KIAA1549L: variants seen among roughly 807,000 people sequenced by gnomAD.
KIAA1549L encodes KIAA1549 like.
In KIAA1549L, 88 loss-of-function variants were observed where a neutral mutation model predicts 160.7. The ratio of observed to expected loss-of-function variants is 0.55; its 90% CI spans 0.46 to 0.65. KIAA1549L has a LOEUF of 0.65. Ranked by LOEUF, KIAA1549L falls within the 30% of genes least tolerant of loss-of-function variation. The probability of loss-of-function intolerance (pLI) is 0.00; values close to 1 mark genes in which losing one functional copy is unlikely to be tolerated. For synonymous variants in KIAA1549L, 950 were observed against 976.7 expected (o/e 0.97, Z 0.51); for missense variants, 2,258 against 2,437.5 (o/e 0.93, Z 1.55).
At chr11:33,534,907 T>C (rs1853859164) in intron 1 of KIAA1549L, among the ~76,000 whole-genome samples, 2 of 152,188 alleles carry the variant, frequency 1.3e-5, no homozygotes, top group Admixed American at 1.3e-4. Context: ...CCTACCTGTA[T>C]TAGTTTTCTA....
intron 6 of KIAA1549L, among the ~76,000 whole-genome samples, chr11:33,558,974 C>T (rs1319009629): frequency 1.3e-5 from 2 of 151,940 alleles, no homozygotes; most frequent in Non-Finnish European, 2.9e-5. Context: ...GCTGGGATTA[C>T]AGGCACATGC....
intron 1 of KIAA1549L, among the ~76,000 whole-genome samples, chr11:33,524,446 T>C (rs1204195267): frequency 2.6e-5 from 4 of 152,146 alleles, no homozygotes; most frequent in Non-Finnish European, 5.9e-5. Flanking sequence ...GCTGCTACTA[T>C]TCTTTGTGTT....
intron 16 of KIAA1549L, 45 bp from the exon 17 acceptor site, chr11:33,645,641 G>C (rs761845027): frequency 2.1e-6 from 3 of 1,415,106 alleles, no homozygotes; most frequent in South Asian, 1.2e-5. Flanking sequence ...GCACCTTCAC[G>C]GGAAGGAAAG....
rs754959729 is a variant in KIAA1549L, at chr11:33,609,897, C to T, written c.5210C>T (p.Pro1737Leu). 8.1e-6 allele frequency: 13 copies of T among 1,613,930 alleles called. No homozygotes were observed. The highest frequency in any genetic ancestry group is 2.7e-5 in the African/African-American group (2 of 75,028). Residue 1737 changes from proline (P) to leucine (L), a missense_variant, in exon 15 of 21, where the codon CCG (proline) becomes CTG (leucine). Around this residue, in one of 6 missense-constraint regions of KIAA1549L, gnomAD observed 1,359 missense variants for 1,546.6 expected, o/e 0.88. Coordinates refer to ENST00000658780, the MANE Select transcript of KIAA1549L (RefSeq NM_012194.3). ...AGAAAGAAGATGTATGAAAAAGCCC[C>T]GAAGGAAATGGAGCATGTTTTGGAT... ...TERKKMYEKA[P>L]KEMEHVLDPD...
chr11:33,602,966 A>G (rs1850402688), intron 13 of KIAA1549L, among the ~76,000 whole-genome samples: 2 of 152,150 alleles, frequency 1.3e-5, no homozygotes, highest in East Asian at 3.9e-4. Context: ...CATTAATGCT[A>G]TGCTGCCCAC....
chr11:33,380,265 A>G (rs895443833), intron 1 of KIAA1549L, among the ~76,000 whole-genome samples: 1 of 152,190 alleles, frequency 6.6e-6, no homozygotes, highest in African/African-American at 2.4e-5. Flanking sequence ...AATACCCAGC[A>G]CAGAACAGGA....
intron 1 of KIAA1549L, among the ~76,000 whole-genome samples, chr11:33,489,113 T>C (rs1354572586): frequency 6.6e-6 from 1 of 152,220 alleles, no homozygotes; most frequent in Non-Finnish European, 1.5e-5. Context: ...TGTCTTAGCA[T>C]GTCTTCGTCA....
At chr11:33,630,328 G>A (rs2133374043) in intron 16 of KIAA1549L, among the ~76,000 whole-genome samples, 1 of 152,386 alleles carries the variant, frequency 6.6e-6, no homozygotes, top group Admixed American at 6.5e-5. Flanking sequence ...CTTCCCGGCT[G>A]CTTTGTTTAC....
chr11:33,549,521 C>T (rs1303334118), intron 4 of KIAA1549L, among the ~76,000 whole-genome samples: 1 of 152,184 alleles, frequency 6.6e-6, no homozygotes, highest in Non-Finnish European at 1.5e-5. Flanking sequence ...TGTGCTGTGT[C>T]CACGTTCCAT....
At chr11:33,407,786 C>T (rs1353303044) in intron 1 of KIAA1549L, among the ~76,000 whole-genome samples, 3 of 152,192 alleles carry the variant, frequency 2.0e-5, no homozygotes, top group Non-Finnish European at 4.4e-5. Flanking sequence ...AACCCTGCCT[C>T]CTTGTTCTGA....
chr11:33,474,847 TC>T (rs1321750089), intron 1 of KIAA1549L, among the ~76,000 whole-genome samples: 1 of 152,258 alleles, frequency 6.6e-6, no homozygotes, highest in African/African-American at 2.4e-5. Flanking sequence ...GGGCCTGTCA[TC>T]TTCATAAACA....
chr11:33,441,017 C>G (rs1427107162), intron 1 of KIAA1549L, among the ~76,000 whole-genome samples: 1 of 151,606 alleles, frequency 6.6e-6, no homozygotes, highest in Non-Finnish European at 1.5e-5. Flanking sequence ...TGTGCTACAC[C>G]CATTAACTTG....
rs1565135897 is a variant in KIAA1549L at position 33,435,800 on chromosome 11, A to ATATATGTG, written c.238+58916_238+58917insGTGTATAT. On this transcript the variant is annotated intron_variant, in intron 1 of 20. Transcript: ENST00000658780. ...TATATATATATATATATATATATATATATATATATATGTGTGTGTATATAT... is the reference window on the plus strand; with the variant it reads ...TATATATATATATATATATATATATATATATGTGTATATATATATGTGTGTGTATATAT... 5.4e-4 allele frequency among the ~76,000 whole-genome samples: 7 copies of ATATATGTG among 12,888 alleles called. No homozygotes were observed. In the East Asian group the frequency reaches 0.01, roughly 18 times the overall value. 8.5% of individuals were successfully genotyped at this position (12,888 alleles called of 152,430 possible).
chr11:33,605,902 G>A (rs1322315512), intron 13 of KIAA1549L, among the ~76,000 whole-genome samples: 1 of 152,232 alleles, frequency 6.6e-6, no homozygotes, highest in Non-Finnish European at 1.5e-5. Flanking sequence ...TGTCAGCTTA[G>A]TTATGGAAGC....
rs748639285 is a variant in KIAA1549L, at chr11:33,551,091, A to G, written c.3553A>G (p.Lys1185Glu). The G allele has an allele frequency of 1.4e-5, 22 of 1,613,878 alleles. No individual in the cohort carries two copies. ...TGTCACAGTTGGTTATTATGCTACCAAAGGGAAGTTGGTGTATTTGCCTGC... is the reference window on the plus strand; with the variant it reads ...TGTCACAGTTGGTTATTATGCTACCGAAGGGAAGTTGGTGTATTTGCCTGC... ...HNVTVGYYAT[K>E]GKLVYLPAVV... Residue 1185 changes from lysine to glutamate, a missense_variant, in exon 5 of 21, where the codon AAA (lysine) becomes GAA (glutamate). Lys to Glu is a moderately conservative substitution (Grantham distance 56). This residue lies in a region of KIAA1549L where 1,359 missense variants were observed against 1,546.6 expected (regional missense o/e 0.88). Coordinates refer to ENST00000658780, the MANE Select transcript of KIAA1549L (RefSeq NM_012194.3).
intron 1 of KIAA1549L, among the ~76,000 whole-genome samples, chr11:33,423,582 A>C (rs1252696730): frequency 3.3e-5 from 5 of 152,250 alleles, no homozygotes; most frequent in Admixed American, 3.3e-4. Flanking sequence ...TGCTCAGCTT[A>C]CACAAATCTG....
At chr11:33,636,141 C>T (rs773266255) in intron 16 of KIAA1549L, among the ~76,000 whole-genome samples, 2 of 152,122 alleles carry the variant, frequency 1.3e-5, no homozygotes, top group African/African-American at 2.4e-5. Flanking sequence ...TTCAGACAAC[C>T]ACTGTCGCAG....
intron 16 of KIAA1549L, among the ~76,000 whole-genome samples, chr11:33,619,338 A>T (rs1850901479): frequency 6.6e-6 from 1 of 150,634 alleles, no homozygotes. Flanking sequence ...ATTTCACATG[A>T]TCTTGAATCT....
intron 1 of KIAA1549L, among the ~76,000 whole-genome samples, chr11:33,462,087 C>T (rs1275933595): frequency 6.6e-6 from 1 of 152,224 alleles, no homozygotes; most frequent in Non-Finnish European, 1.5e-5. Context: ...GTAAGCGGAT[C>T]ACTATATGGA....
Sources: allele counts gnomAD v4.1 joint callset (sites outside exome capture counted in the v4.1 genomes callset), GRCh38; gene constraint gnomAD v4.1.1; regional missense constraint gnomAD v4.1.1; transcripts MANE v1.5; gene names NCBI Gene and HGNC (gene_info 2026-07-23, HGNC 2026-07-21).